Variants in PDE8A observed in about 807,000 individuals in gnomAD.
PDE8A encodes phosphodiesterase 8A.
PDE8A carries 59 observed loss-of-function variants against 105.0 expected under a neutral mutation model. The observed-to-expected ratio is 0.56, with a 90% CI of 0.46 to 0.70. The LOEUF is 0.70. Among genes scored for constraint, PDE8A ranks in the 30% least tolerant of loss-of-function variants. The probability of loss-of-function intolerance (pLI) is 0.00; values close to 1 mark genes in which losing one functional copy is unlikely to be tolerated. For synonymous variants in PDE8A, 355 were observed against 371.9 expected (o/e 0.95, Z 0.52); for missense variants, 1,014 against 1,045.9 (o/e 0.97, Z 0.42).
chr15:85,110,729 A>G (rs1234681630), intron 12 of PDE8A, among the ~76,000 whole-genome samples: 1 of 152,220 alleles, frequency 6.6e-6, no homozygotes, highest in Non-Finnish European at 1.5e-5. Context: ...TAAGAATGCC[A>G]TGAACATTTT....
At position 84,998,189 on chromosome 15, in the gene PDE8A, A is replaced by G. The variant is rs375207788; in HGVS notation, c.186+15841A>G. Among the ~76,000 whole-genome samples, 7 of 152,212 alleles carry G rather than the reference A, an allele frequency of 4.6e-5. No homozygotes were observed. In the East Asian group the frequency reaches 9.6e-4, roughly 21 times the overall value. Reference sequence around the variant, plus strand: ...ACTTTCTCAATTTATGGAGGAGGAAATCGAAACCCTAAGGCAGTTGTGAGA... The same window carrying G: ...ACTTTCTCAATTTATGGAGGAGGAAGTCGAAACCCTAAGGCAGTTGTGAGA... On this transcript the variant is annotated intron_variant, in intron 1 of 21. Coordinates refer to ENST00000394553, the MANE Select transcript of PDE8A (RefSeq NM_002605.3).
intron 5 of PDE8A, among the ~76,000 whole-genome samples, chr15:85,082,269 G>C (rs780236827): frequency 6.6e-6 from 1 of 152,100 alleles, no homozygotes; most frequent in Admixed American, 6.5e-5. Context: ...TTGGCCTATA[G>C]GTATAAGGTT....
intron 7 of PDE8A, among the ~76,000 whole-genome samples, 169 bp downstream of exon 7, chr15:85,089,585 T>C (rs543146352): frequency 6.6e-6 from 1 of 152,256 alleles, no homozygotes; most frequent in Admixed American, 6.5e-5. Flanking sequence ...TAAAATAAGC[T>C]CTCTATAGAT....
intron 1 of PDE8A, among the ~76,000 whole-genome samples, chr15:85,025,396 C>G (rs1160636454): frequency 1.3e-5 from 2 of 151,296 alleles, no homozygotes; most frequent in Non-Finnish European, 2.9e-5. Context: ...GAGTCCTGTC[C>G]TATTCATGAA....
At chr15:85,131,303 CTT>C (rs1399196474) in intron 20 of PDE8A, among the ~76,000 whole-genome samples, 3 of 152,020 alleles carry the variant, frequency 2.0e-5, no homozygotes, top group Non-Finnish European at 2.9e-5. Context: ...TAGGGAAAGA[CTT>C]TTGCCACTTT....
intron 21 of PDE8A, 79 bp downstream of exon 21, chr15:85,136,742 C>G: frequency 7.2e-7 from 1 of 1,386,956 alleles, no homozygotes; most frequent in Non-Finnish European, 9.9e-7. Flanking sequence ...GTGCATTTGA[C>G]TGTAGAATAT....
intron 1 of PDE8A, among the ~76,000 whole-genome samples, chr15:85,035,275 C>T (rs2080686195): frequency 1.5e-5 from 2 of 137,626 alleles, no homozygotes; most frequent in South Asian, 2.5e-4. Flanking sequence ...ATGGCACAAT[C>T]TCAGCTCACT....
At chr15:85,015,724 A>G (rs138766692) in intron 1 of PDE8A, among the ~76,000 whole-genome samples, 283 of 152,192 alleles carry the variant, frequency 1.9e-3, no homozygotes, top group Middle Eastern at 0.017. Context: ...TTTGTTAACT[A>G]TCTGTCCATA....
At chr15:85,115,844 C>G in intron 15 of PDE8A, 140 bp from the exon 16 acceptor site, 2 of 697,960 alleles carry the variant, frequency 2.9e-6, no homozygotes, top group Non-Finnish European at 2.4e-6. Flanking sequence ...CACTTGAACC[C>G]GGGAGGCGGA....
intron 1 of PDE8A, among the ~76,000 whole-genome samples, chr15:85,027,978 A>G (rs2080546174): frequency 6.6e-6 from 1 of 152,262 alleles, no homozygotes; most frequent in Non-Finnish European, 1.5e-5. Context: ...TCATAGTGTT[A>G]CATTGTATAG....
chr15:85,049,097 A>T (rs1226175362), intron 1 of PDE8A, among the ~76,000 whole-genome samples: 1 of 152,136 alleles, frequency 6.6e-6, no homozygotes, highest in Non-Finnish European at 1.5e-5. Context: ...GTGAGACTCC[A>T]TCTCAAAAAA....
upstream of PDE8A, among the ~76,000 whole-genome samples, chr15:84,981,762 C>T (rs1391955123): frequency 6.6e-6 from 1 of 151,182 alleles, no homozygotes; most frequent in African/African-American, 2.4e-5. Flanking sequence ...GGTCGTGCCG[C>T]AGCTCGGCGA....
intron 1 of PDE8A, among the ~76,000 whole-genome samples, chr15:85,008,182 C>CATAG (rs2080179010): frequency 6.6e-6 from 1 of 151,998 alleles, no homozygotes; most frequent in African/African-American, 2.4e-5. Context: ...GTCTGGGCAG[C>CATAG]TGTGGCCTTT....
At chr15:84,996,997 T>G (rs2079990078) in intron 1 of PDE8A, among the ~76,000 whole-genome samples, 1 of 152,184 alleles carries the variant, frequency 6.6e-6, no homozygotes, top group Non-Finnish European at 1.5e-5. Flanking sequence ...ACTGTACACT[T>G]AGGCTACACT....
chr15:85,106,230 C>T (rs1345208416), intron 11 of PDE8A, among the ~76,000 whole-genome samples: 1 of 152,058 alleles, frequency 6.6e-6, no homozygotes, highest in African/African-American at 2.4e-5. Flanking sequence ...TCGTCCTCCT[C>T]CTCATCTTGG....
rs2082010271 is a variant in PDE8A, at chr15:85,110,776, T to A, written c.1114+1646T>A. On this transcript the variant is annotated intron_variant, in intron 12 of 21. Coordinates refer to ENST00000394553, the MANE Select transcript of PDE8A (RefSeq NM_002605.3). ...TTTTTTGTGGATGTATATGCTCATC[T>A]TCTCCCTAGAAGTGGGATTGCTAGG... Among the ~76,000 whole-genome samples, 4 of 152,318 alleles carry A rather than the reference T, an allele frequency of 2.6e-5. No individual in the cohort carries two copies. The East Asian group carries it at 5.8e-4, about 22-fold the overall frequency.
chr15:85,103,093 G>A (rs1311398843), intron 11 of PDE8A, among the ~76,000 whole-genome samples: 3 of 151,666 alleles, frequency 2.0e-5, no homozygotes, highest in South Asian at 2.1e-4. Flanking sequence ...GTGGTGACAC[G>A]CGCCAGTAGT....
At chr15:85,097,864 A>C (rs964807073) in intron 8 of PDE8A, 84 bp from the exon 9 acceptor site, 3 of 754,542 alleles carry the variant, frequency 4.0e-6, no homozygotes, top group Non-Finnish European at 7.0e-6. Flanking sequence ...TTAGCAATGT[A>C]AGTGAATCAG....
chr15:85,056,844 T>C (rs1165063491), intron 1 of PDE8A, among the ~76,000 whole-genome samples: 1 of 152,238 alleles, frequency 6.6e-6, no homozygotes, highest in Non-Finnish European at 1.5e-5. Flanking sequence ...CGTCCAGCTT[T>C]GTTCCATTGC....
Sources: allele counts gnomAD v4.1 joint callset (sites outside exome capture counted in the v4.1 genomes callset), GRCh38; gene constraint gnomAD v4.1.1; transcripts MANE v1.5; gene names NCBI Gene and HGNC (gene_info 2026-07-23, HGNC 2026-07-21).